Variants in JPH2 observed in about 807,000 individuals in gnomAD.
The protein encoded by JPH2 is junctophilin-2.
In JPH2, 38 loss-of-function variants were observed where a neutral mutation model predicts 55.9. The observed-to-expected ratio is 0.68, with a 90% CI of 0.52 to 0.89. The LOEUF is 0.89. Ranked by LOEUF, JPH2 falls within the 40% of genes least tolerant of loss-of-function variation. The pLI is 0.00. For missense variants in JPH2, 964 were observed against 1,037.6 expected (o/e 0.93, Z 0.97); for synonymous variants, 480 against 472.4 (o/e 1.02, Z -0.21).
rs943266181 is a variant in JPH2, at chr20:44,107,278, T to C, written c.*6240A>G. ...CCTCAATAAGCACTCACTGAATGTC[T>C]ACTCTGCCCCGAGACCTAAGTGGGA... On this transcript the variant is annotated 3_prime_UTR_variant, in exon 6 of 6. Coordinates refer to ENST00000372980, the MANE Select transcript of JPH2 (RefSeq NM_020433.5). Among the ~76,000 whole-genome samples the C allele has an allele frequency of 4.6e-5, 7 of 152,134 alleles. No homozygotes were observed. Among genetic ancestry groups the C allele is most frequent in the Non-Finnish European group, 1.0e-4 (7 of 68,024 alleles).
intron 2 of JPH2, among the ~76,000 whole-genome samples, chr20:44,142,574 C>A (rs1308072158): frequency 6.6e-6 from 1 of 152,200 alleles, no homozygotes; most frequent in African/African-American, 2.4e-5. Context: ...CTTTCAGCTC[C>A]GTGTCTCTGC....
rs57234857 is a variant in JPH2 at position 44,133,911 on chromosome 20, TAC to T, written c.1170-15290_1170-15289del. On this transcript the variant is annotated intron_variant, in intron 2 of 5. Coordinates refer to ENST00000372980, the MANE Select transcript of JPH2 (RefSeq NM_020433.5). ...TATTATAAATATATATAAATAAATATACATTATAATATATAAATATATATTTA... is the reference window on the plus strand; with the variant it reads ...TATTATAAATATATATAAATAAATATATTATAATATATAAATATATATTTA... Among the ~76,000 whole-genome samples, 324 of 40,708 alleles carry T rather than the reference TAC, an allele frequency of 8.0e-3. 5 individuals are homozygous for T. Among genetic ancestry groups the T allele is most frequent in the Middle Eastern group, 0.044 (4 of 90 alleles). 26.7% of individuals were successfully genotyped at this position (40,708 alleles called of 152,430 possible). A position where few individuals can be genotyped will look rare whatever the true frequency, so the allele number is the denominator to read the frequency against.
rs904477535 is a variant in JPH2, at chr20:44,110,414, T to C, written c.*3104A>G. Among the ~76,000 whole-genome samples, 3 of 134,952 alleles carry C rather than the reference T, an allele frequency of 2.2e-5. No homozygotes were observed. The highest frequency in any genetic ancestry group is 9.3e-5 in the African/African-American group (3 of 32,164). The allele number at this position is 134,952 out of a possible 152,430, so 88.5% of individuals were successfully genotyped here. ...GGAATCCCAGCATCATTCCAGAGTT[T>C]TGAAAACTTTTGTGTTTTTTTTTTT... On this transcript the variant is annotated 3_prime_UTR_variant, in exon 6 of 6. Transcript: ENST00000372980.
intron 2 of JPH2, among the ~76,000 whole-genome samples, chr20:44,146,331 C>T (rs192985078): frequency 6.6e-6 from 1 of 152,166 alleles, no homozygotes; most frequent in East Asian, 1.9e-4. Flanking sequence ...CTGCCCCTGG[C>T]CCACATGGTC....
intron 1 of JPH2, among the ~76,000 whole-genome samples, chr20:44,164,571 G>A (rs193198732): frequency 6.6e-6 from 1 of 152,146 alleles, no homozygotes; most frequent in Non-Finnish European, 1.5e-5. Context: ...AAGAGAGCAG[G>A]CTGCTGTTAC....
chr20:44,161,303 G>A (rs1342034547), intron 1 of JPH2, among the ~76,000 whole-genome samples: 2 of 152,138 alleles, frequency 1.3e-5, no homozygotes, highest in Admixed American at 6.5e-5. Context: ...ACCATATGGA[G>A]GAAGGCTAGT....
Position 44,160,155 on chromosome 20 carries a change from G to A in JPH2, c.632C>T (p.Ala211Val). 7.0e-7 allele frequency: 1 copy of A among 1,427,958 alleles called. No individual in the cohort carries two copies. 88.5% of individuals were successfully genotyped at this position (1,427,958 alleles called of 1,614,324 possible). ...GCCGCCGCCCTTGGGCGCCCGCGCG[G>A]CCGCCTCGGCATTGGCCAGGAGGCT... ...ALSLLANAEA[A>V]ARAPKGGGLF... Residue 211 changes from alanine to valine, a missense_variant, in exon 2 of 6, where the codon GCC becomes GTC. Transcript: ENST00000372980. The surrounding 1 kb of genome is among the most constrained non-coding windows in gnomAD (Gnocchi z 4.9).
chr20:44,186,336 C>T lies in JPH2; in HGVS notation c.370G>A (p.Ala124Thr), dbSNP rs150070513. ...CCCCAGCTGGCCTCACCTCCATCAG[C>T]ATAGGTCTCGGTGCCATAGCCGTCT... ...LQDGYGTETY[A>T]DGGTYQGQFT... Residue 124 changes from alanine to threonine, a missense_variant, in exon 1 of 6, where the codon GCT becomes ACT. Transcript: ENST00000372980. 4.3e-6 allele frequency: 7 copies of T among 1,611,344 alleles called. No homozygotes were observed. The African/African-American group carries it at 8.0e-5, about 18-fold the overall frequency.
At chr20:44,142,958 G>A (rs1460472390) in intron 2 of JPH2, among the ~76,000 whole-genome samples, 1 of 152,112 alleles carries the variant, frequency 6.6e-6, no homozygotes, top group Non-Finnish European at 1.5e-5. Context: ...TGGCACCTGG[G>A]ACTGGGGAGC....
Position 44,131,554 on chromosome 20 carries a change from T to C in JPH2, c.1170-12931A>G, listed in dbSNP as rs2145850722. 1.3e-5 allele frequency among the ~76,000 whole-genome samples: 2 copies of C among 152,294 alleles called. 1 individual carries two copies. Among genetic ancestry groups the C allele is most frequent in the Admixed American group, 1.3e-4 (2 of 15,296 alleles). ...TAATAATAGTGCCTACATCATAGGG[T>C]AATGAAAATTAAATGAGTTAATGGC... On this transcript the variant is annotated intron_variant, in intron 2 of 5. Transcript: ENST00000372980.
At chr20:44,163,385 G>T (rs1257879329) in intron 1 of JPH2, among the ~76,000 whole-genome samples, 2 of 152,152 alleles carry the variant, frequency 1.3e-5, no homozygotes, top group Non-Finnish European at 1.5e-5. Context: ...CTAGGAATTG[G>T]TGCACTGTAA....
chr20:44,155,908 C>T (rs2072562498), intron 2 of JPH2, among the ~76,000 whole-genome samples: 1 of 152,018 alleles, frequency 6.6e-6, no homozygotes, highest in Non-Finnish European at 1.5e-5. Context: ...TGGTGGCGCA[C>T]ACCTGTGGTC....
Position 44,186,786 on chromosome 20 carries a change from T to G in JPH2, c.-81A>C. ...GGTGATGCCTGCAACACTCCTCCAG[T>G]GCCCTCGGGGGCAGGCCCCCAGACT... On this transcript the variant is annotated 5_prime_UTR_variant, in exon 1 of 6. Coordinates refer to ENST00000372980, the MANE Select transcript of JPH2 (RefSeq NM_020433.5). 7.1e-7 allele frequency: 1 copy of G among 1,401,510 alleles called. No individual in the cohort carries two copies. Among genetic ancestry groups the G allele is most frequent in the Non-Finnish European group, 1.0e-6 (1 of 1,002,250 alleles). The allele number at this position is 1,401,510 out of a possible 1,614,324, so 86.8% of individuals were successfully genotyped here. A position where few individuals can be genotyped will look rare whatever the true frequency, so the allele number is the denominator to read the frequency against.
rs774001072 is a variant in JPH2 at position 44,118,591 on chromosome 20, G to A, written c.1202C>T (p.Ala401Val). Residue 401 changes from alanine to valine, a missense_variant, in exon 3 of 6, where the codon GCG becomes GTG. Coordinates refer to ENST00000372980, the MANE Select transcript of JPH2 (RefSeq NM_020433.5). Reference protein sequence around the residue: ...TSHAKAKAEAAEQAALAANQE... With the variant: ...TSHAKAKAEAVEQAALAANQE... ...GTTGGCAGCCAGGGCGGCCTGTTCC[G>A]CTGCCTCAGCTTTGGCCTTGGCGTG... The A allele has an allele frequency of 2.4e-5, 39 of 1,611,764 alleles. No homozygotes were observed. In the East Asian group the frequency reaches 3.6e-4, roughly 15 times the overall value.
At chr20:44,142,396 C>T (rs561023759) in intron 2 of JPH2, among the ~76,000 whole-genome samples, 170 of 152,296 alleles carry the variant, frequency 1.1e-3, no homozygotes, top group African/African-American at 3.9e-3. Context: ...CGCCTCCCCA[C>T]GCTCTCTCCG....
At chr20:44,177,894 G>A in intron 1 of JPH2, 1 of 1,587,752 alleles carries the variant, frequency 6.3e-7, no homozygotes, top group South Asian at 1.1e-5. Flanking sequence ...CATTTCCTAT[G>A]TGCCAGGCAT....
intron 2 of JPH2, among the ~76,000 whole-genome samples, chr20:44,134,887 T>TACA (rs1491553800): frequency 5.6e-5 from 6 of 107,580 alleles, no homozygotes; most frequent in African/African-American, 2.4e-4. Context: ...TATATATATA[T>TACA]TAATATATAT....
At position 44,116,207 on chromosome 20, in the gene JPH2, T is replaced by A. The variant is rs1364720878; in HGVS notation, c.1468A>T (p.Thr490Ser). 1 of 1,392,242 alleles carries A rather than the reference T, an allele frequency of 7.2e-7. No homozygotes were observed. The highest frequency in any genetic ancestry group is 2.9e-5 in the East Asian group (1 of 34,192). The allele number at this position is 1,392,242 out of a possible 1,614,324, so 86.2% of individuals were successfully genotyped here. Reference sequence around the variant, plus strand: ...CTGGGCCGCTTGGGCTGCGGGGGCGTCCCGGCCGGTGACGGGGAGCCACCC... The same window carrying A: ...CTGGGCCGCTTGGGCTGCGGGGGCGACCCGGCCGGTGACGGGGAGCCACCC... ...PEGGSPSPAG[T>S]PPQPKRPRPG... Residue 490 changes from threonine (T) to serine (S), a missense_variant, in exon 4 of 6, where the codon ACG becomes TCG. Physicochemically the swap from Thr to Ser is moderately conservative, Grantham distance 58. Coordinates refer to ENST00000372980, the MANE Select transcript of JPH2 (RefSeq NM_020433.5).
chr20:44,182,247 A>G (rs1423089440), intron 1 of JPH2, among the ~76,000 whole-genome samples: 1 of 152,166 alleles, frequency 6.6e-6, no homozygotes, highest in Non-Finnish European at 1.5e-5. Context: ...GTGAGTGCAG[A>G]TCCTTAACAA....
Sources: allele counts gnomAD v4.1 joint callset (sites outside exome capture counted in the v4.1 genomes callset), GRCh38; gene constraint gnomAD v4.1.1; non-coding constraint Gnocchi (gnomAD v3.1); transcripts MANE v1.5; gene names NCBI Gene and HGNC (gene_info 2026-07-23, HGNC 2026-07-21).